The following GET4 variants were observed in gnomAD, a reference collection of about 807,000 sequenced individuals.
The protein encoded by GET4 is Golgi to ER traffic protein 4 homolog.
In GET4, 20 loss-of-function variants were observed where a neutral mutation model predicts 40.0. The ratio of observed to expected loss-of-function variants is 0.50; its 90% confidence interval spans 0.35 to 0.73. GET4 has a LOEUF of 0.73. GET4 is among the 30% of genes least tolerant of loss of function. GET4 has a pLI of 0.01. For missense variants in GET4, 557 were observed against 454.0 expected, an observed-to-expected ratio of 1.23 and a Z score of -2.06; for synonymous variants, 280 against 194.6, an observed-to-expected ratio of 1.44 and a Z score of -3.65.
intron 4 of GET4, among the ~76,000 whole-genome samples, chr7:890,527 C>G (rs934717432): frequency 1.3e-5 from 2 of 151,952 alleles, no homozygotes; most frequent in African/African-American, 4.8e-5. Flanking sequence ...GAACATCAGG[C>G]TGGTTTCTGC....
At chr7:882,196 G>A (rs1009365822) in intron 1 of GET4, 1 of 152,238 alleles carries the variant, frequency 6.6e-6, no homozygotes, top group South Asian at 2.1e-4. Context: ...CCCAGTAGTG[G>A]GGTTGCTGGG....
At chr7:878,126 G>T (rs1420710479) in intron 1 of GET4, 1 of 371,636 alleles carries the variant, frequency 2.7e-6, no homozygotes, top group Non-Finnish European at 5.6e-6. Context: ...CTGGACCTAG[G>T]CTCGGTGACA....
At chr7:886,710 C>T (rs971044829) in intron 3 of GET4, 60 bp downstream of exon 3, 67 of 1,059,828 alleles carry the variant, frequency 6.3e-5, no homozygotes, top group South Asian at 4.6e-4. Flanking sequence ...CGCCCCTCCC[C>T]GGGTCTCTGC....
At chr7:886,157 G>C (rs1844183602) in intron 2 of GET4, 23 bp downstream of exon 2, 1 of 1,507,116 alleles carries the variant, frequency 6.6e-7, no homozygotes, top group African/African-American at 1.4e-5. Context: ...GCTTCCTCCT[G>C]CATCCCTTTC....
chr7:881,851 A>G (rs953365980), intron 1 of GET4: 1 of 151,990 alleles, frequency 6.6e-6, no homozygotes, highest in Non-Finnish European at 1.5e-5. Flanking sequence ...GGCCGGCCCC[A>G]GTGTGTGTTG....
intron 1 of GET4, chr7:884,445 A>G: frequency 9.3e-7 from 1 of 1,078,702 alleles, no homozygotes; most frequent in Non-Finnish European, 1.2e-6. Context: ...GCAAAACCGG[A>G]GGCCTGCCAA....
chr7:895,361 C>A lies in GET4; in HGVS notation c.923C>A (p.Ser308Tyr). ...AACCTTCTGACCAGCCTCATGGGCT[C>A]CTCAGAGCAGGAGGATGGGGAGGAG... ...LGNLLTSLMG[S>Y]SEQEDGEESP... is the part of the protein sequence containing the mutation. The change falls in exon 9 of 9, where the codon TCC (serine) becomes TAC (tyrosine). Residue 308 changes from serine to tyrosine, a missense_variant. By Grantham distance (144) the Ser-to-Tyr change is moderately radical. Transcript: ENST00000265857. 6.3e-7 allele frequency: 1 copy of A among 1,595,256 alleles called. No homozygotes were observed. The highest frequency in any genetic ancestry group is 8.6e-7 in the Non-Finnish European group (1 of 1,164,688).
At position 895,539 on chromosome 7, in the gene GET4, G is replaced by A. The variant is rs900010964; in HGVS notation, c.*117G>A. On this transcript the variant is annotated 3_prime_UTR_variant, in exon 9 of 9. Transcript: ENST00000265857. The stretch of plus-strand genomic sequence containing the variant: ...CCTGGCCCTGAGGCTGGCGGTGGCC[G>A]CATGCCGGCGCGTGTCTGTTTCTGT... 22 of 548,062 alleles carry A rather than the reference G, an allele frequency of 4.0e-5. No homozygotes were observed. Among genetic ancestry groups the A allele is most frequent in the African/African-American group, 1.6e-4 (8 of 51,470 alleles). The allele number at this position is 548,062 out of a possible 1,614,324, so 33.9% of individuals were successfully genotyped here. A position where few individuals can be genotyped will look rare whatever the true frequency, so the allele number is the denominator to read the frequency against.
chr7:885,910 C>T (rs574576068), intron 1 of GET4, 146 bp from the exon 2 acceptor site: 27 of 654,102 alleles, frequency 4.1e-5, no homozygotes, highest in South Asian at 3.1e-4. Flanking sequence ...ACCCCCTCCA[C>T]GCAGCACCTG....
Position 896,189 on chromosome 7 carries a change from C to G in GET4, c.*767C>G, listed in dbSNP as rs1336360944. The stretch of plus-strand genomic sequence containing the variant: ...GTGATGATTGATTCTTTCGACCTAA[C>G]ATTTTGGGTTTTAACCAAATAACCG... On this transcript the variant is annotated 3_prime_UTR_variant, in exon 9 of 9. Coordinates refer to ENST00000265857, the MANE Select transcript of GET4 (RefSeq NM_015949.3). 3 of 152,234 alleles carry G rather than the reference C, an allele frequency of 2.0e-5. No individual in the cohort carries two copies. The highest frequency in any genetic ancestry group is 4.4e-5 in the Non-Finnish European group (3 of 68,040). 9.4% of individuals were successfully genotyped at this position (152,234 alleles called of 1,614,324 possible). A position where few individuals can be genotyped will look rare whatever the true frequency, so the allele number is the denominator to read the frequency against.
At chr7:883,553 G>T in intron 1 of GET4, 1 of 985,204 alleles carries the variant, frequency 1.0e-6, no homozygotes. Flanking sequence ...TGTTTTGGCC[G>T]GCAGAGAGCA....
chr7:895,647 T>A lies in GET4; in HGVS notation c.*225T>A. 4.9e-6 allele frequency: 2 copies of A among 405,128 alleles called. No homozygotes were observed. Among genetic ancestry groups the A allele is most frequent in the South Asian group, 4.2e-5 (1 of 23,534 alleles). The allele number at this position is 405,128 out of a possible 1,614,324, so 25.1% of individuals were successfully genotyped here. A position where few individuals can be genotyped will look rare whatever the true frequency, so the allele number is the denominator to read the frequency against. On this transcript the variant is annotated 3_prime_UTR_variant, in exon 9 of 9. Transcript: ENST00000265857. ...GGCGTCGCCCCTGCTGGCCGCCGCG[T>A]CCCCCGAGATTGACCCACAATAAAG...
intron 6 of GET4, among the ~76,000 whole-genome samples, chr7:893,292 G>A (rs1844378236): frequency 7.5e-6 from 1 of 132,968 alleles, no homozygotes; most frequent in Non-Finnish European, 1.6e-5. Flanking sequence ...GGTGAGTGTT[G>A]GGCGCGGGCG....
At chr7:882,208 C>T (rs1844100164) in intron 1 of GET4, 1 of 152,172 alleles carries the variant, frequency 6.6e-6, no homozygotes, top group Non-Finnish European at 1.5e-5. Flanking sequence ...GTTGCTGGGT[C>T]GAACGGTAGT....
intron 1 of GET4, chr7:884,496 T>G: frequency 1.9e-6 from 1 of 537,710 alleles, no homozygotes. Flanking sequence ...ACTTTCTCTC[T>G]TGGGTGCGGG....
chr7:888,672 C>A (rs959434139), intron 4 of GET4, among the ~76,000 whole-genome samples: 1 of 152,254 alleles, frequency 6.6e-6, no homozygotes, highest in Non-Finnish European at 1.5e-5. Flanking sequence ...CTGGCCCAGG[C>A]TGGTGCCTCC....
At chr7:877,167 C>G (rs1405760136) in intron 1 of GET4, among the ~76,000 whole-genome samples, 1 of 151,434 alleles carries the variant, frequency 6.6e-6, no homozygotes, top group Non-Finnish European at 1.5e-5. Context: ...GTCTCTGTCT[C>G]TCTCCGGCCG....
intron 1 of GET4, among the ~76,000 whole-genome samples, chr7:877,616 C>A (rs1261803589): frequency 7.1e-6 from 1 of 139,932 alleles, no homozygotes; most frequent in Non-Finnish European, 1.5e-5. Context: ...ACCTCCCCCA[C>A]CTCTCCCGTA....
intron 1 of GET4, chr7:882,327 C>T (rs1419657877): frequency 6.6e-6 from 1 of 152,282 alleles, no homozygotes; most frequent in Non-Finnish European, 1.5e-5. Flanking sequence ...CATTTTAACT[C>T]ACAGCCACAG....
Sources: allele counts gnomAD v4.1 joint callset (sites outside exome capture counted in the v4.1 genomes callset), GRCh38; gene constraint gnomAD v4.1.1; transcripts MANE v1.5; gene names NCBI Gene and HGNC (gene_info 2026-07-23, HGNC 2026-07-21).